Variants in EPHA4 observed in about 807,000 individuals in gnomAD.
The protein encoded by EPHA4 is EPH receptor A4, also known as ephrin type-A receptor 4.
Under a neutral mutation model 108.3 loss-of-function variants are expected in EPHA4, and 19 were observed. The ratio of observed to expected loss-of-function variants is 0.18; its 90% confidence interval spans 0.12 to 0.26. EPHA4 has a LOEUF of 0.26. Among genes scored for constraint, EPHA4 ranks in the 10% least tolerant of loss-of-function variants. The probability of loss-of-function intolerance (pLI) is 1.00; values close to 1 mark genes in which losing one functional copy is unlikely to be tolerated. For missense variants in EPHA4, 917 were observed against 1,254.0 expected (o/e 0.73, Z 4.06); for synonymous variants, 449 against 455.5 (o/e 0.99, Z 0.18).
intron 3 of EPHA4, among the ~76,000 whole-genome samples, chr2:221,513,126 A>C (rs947047437): frequency 1.3e-5 from 2 of 152,244 alleles, no homozygotes; most frequent in Non-Finnish European, 2.9e-5. Flanking sequence ...GCTAGCCTGG[A>C]ACAAAACACT....
intron 3 of EPHA4, among the ~76,000 whole-genome samples, chr2:221,529,430 G>T (rs993708111): frequency 1.3e-5 from 2 of 152,164 alleles, no homozygotes; most frequent in African/African-American, 2.4e-5. Context: ...CCTGCAGGCT[G>T]CCAACTCTCT....
At position 221,572,284 on chromosome 2, in the gene EPHA4, A is replaced by C; in HGVS notation, c.-36T>G. 2 of 1,552,122 alleles carry C rather than the reference A, an allele frequency of 1.3e-6. No homozygotes were observed. Among genetic ancestry groups the C allele is most frequent in the South Asian group, 2.2e-5 (2 of 89,760 alleles). On this transcript the variant is annotated 5_prime_UTR_variant, in exon 1 of 18. Coordinates refer to ENST00000281821, the MANE Select transcript of EPHA4 (RefSeq NM_004438.5). ...TGCCAACGCTGCTCCTGCCGCTTCTATCCCAGTGGAATAAATGCTTAAGTT... is the reference window on the plus strand; with the variant it reads ...TGCCAACGCTGCTCCTGCCGCTTCTCTCCCAGTGGAATAAATGCTTAAGTT...
chr2:221,445,926 C>G (rs79739273), intron 9 of EPHA4, among the ~76,000 whole-genome samples, 197 bp downstream of exon 9: 2,367 of 152,228 alleles, frequency 0.016, 57 homozygotes, highest in African/African-American at 0.054. Context: ...ACTTCTCTAC[C>G]TCATCCCACA....
At chr2:221,429,312 T>C (rs1690003783) in intron 15 of EPHA4, among the ~76,000 whole-genome samples, 1 of 152,232 alleles carries the variant, frequency 6.6e-6, no homozygotes, top group Non-Finnish European at 1.5e-5. Flanking sequence ...CAGACTGATA[T>C]ACTTCTTCAT....
chr2:221,570,955 A>G (rs1399565200), intron 1 of EPHA4, among the ~76,000 whole-genome samples: 2 of 152,168 alleles, frequency 1.3e-5, no homozygotes, highest in African/African-American at 4.8e-5. Flanking sequence ...GCCGGAAAGG[A>G]GAAGAATGAG....
chr2:221,451,451 AC>A (rs1420625176), intron 8 of EPHA4, among the ~76,000 whole-genome samples: 3 of 152,232 alleles, frequency 2.0e-5, no homozygotes, highest in South Asian at 2.1e-4. Context: ...TTTTAAAAAA[AC>A]AATATAGAAA....
chr2:221,441,220 G>T (rs1690417561), intron 11 of EPHA4, among the ~76,000 whole-genome samples: 1 of 137,546 alleles, frequency 7.3e-6, no homozygotes, highest in Non-Finnish European at 1.5e-5. Flanking sequence ...TTTTTAAGTA[G>T]AGACAGGTTT....
Position 221,568,740 on chromosome 2 carries a change from A to G in EPHA4, c.137T>C (p.Ile46Thr). 1 of 1,613,848 alleles carries G rather than the reference A, an allele frequency of 6.2e-7. No homozygotes were observed. Among genetic ancestry groups the G allele is most frequent in the Non-Finnish European group, 8.5e-7 (1 of 1,179,902 alleles). The change falls in exon 2 of 18, where the codon ATA becomes ACA. Residue 46 changes from isoleucine (I) to threonine (T), a missense_variant. Transcript: ENST00000281821. ...TACCCCTCCTTCCAGAGGGCTTGCT[A>G]TCCACCCAAGTTCTCCCTGAACAGA... ...SRSVQGELGW[I>T]ASPLEGGWEE...
rs1370453432 is a variant in EPHA4, at chr2:221,541,032, A to T, written c.823+22699T>A. ...CACAATCATAGCTCACTGCCACCTC[A>T]AACTCCTGGGTTCAGGTGAGCCTCC... On this transcript the variant is annotated intron_variant, in intron 3 of 17. Transcript: ENST00000281821. 3.4e-5 allele frequency among the ~76,000 whole-genome samples: 5 copies of T among 148,760 alleles called. No individual in the cohort carries two copies. In the Admixed American group the frequency reaches 3.4e-4, roughly 10 times the overall value.
intron 3 of EPHA4, among the ~76,000 whole-genome samples, chr2:221,516,498 G>A (rs1692994251): frequency 6.6e-6 from 1 of 151,974 alleles, no homozygotes; most frequent in Non-Finnish European, 1.5e-5. Context: ...GGGATTAGAG[G>A]CGTCCGCCGC....
At chr2:221,498,550 G>A (rs954474800) in intron 4 of EPHA4, among the ~76,000 whole-genome samples, 6 of 151,976 alleles carry the variant, frequency 3.9e-5, no homozygotes, top group African/African-American at 1.4e-4. Context: ...AAAGTTCTTA[G>A]TCTATGGAGG....
intron 4 of EPHA4, among the ~76,000 whole-genome samples, chr2:221,494,421 T>C (rs183197333): frequency 3.0e-3 from 460 of 152,258 alleles, no homozygotes; most frequent in African/African-American, 1.0e-2. Context: ...CTGGTCAACA[T>C]AGCGAAACCC....
rs1297470344 is a variant in EPHA4, at chr2:221,571,676, C to G, written c.91+482G>C. Reference sequence around the variant, plus strand: ...GCGCTGCGGAGCAGGCCCCGCAGCCCGGTCCCGAGAAGCGCAGGGCTCGGG... The same window carrying G: ...GCGCTGCGGAGCAGGCCCCGCAGCCGGGTCCCGAGAAGCGCAGGGCTCGGG... On this transcript the variant is annotated intron_variant, in intron 1 of 17. Coordinates refer to ENST00000281821, the MANE Select transcript of EPHA4 (RefSeq NM_004438.5). This position sits in a 1 kb window ranked among gnomAD's most constrained non-coding sequence, Gnocchi z 6.3. 6.6e-6 allele frequency among the ~76,000 whole-genome samples: 1 copy of G among 152,142 alleles called. No homozygotes were observed. The highest frequency in any genetic ancestry group is 1.9e-4 in the East Asian group (1 of 5,156).
At chr2:221,511,526 G>GTACC (rs1692829303) in intron 3 of EPHA4, among the ~76,000 whole-genome samples, 3 of 128,538 alleles carry the variant, frequency 2.3e-5, no homozygotes, top group Non-Finnish European at 3.7e-5. Context: ...ATTTCTGTAT[G>GTACC]TCACTTCCCT....
At chr2:221,502,409 T>C (rs975657394) in intron 3 of EPHA4, 1 of 411,490 alleles carries the variant, frequency 2.4e-6, no homozygotes. Context: ...TCATTCATCA[T>C]GTCCTTAGGA....
chr2:221,546,045 A>G (rs947914657), intron 3 of EPHA4, among the ~76,000 whole-genome samples: 3 of 152,164 alleles, frequency 2.0e-5, no homozygotes, highest in African/African-American at 7.2e-5. Flanking sequence ...ATAACATATT[A>G]CAATCATTTT....
intron 3 of EPHA4, among the ~76,000 whole-genome samples, chr2:221,516,732 G>A (rs1693000578): frequency 6.6e-6 from 1 of 152,114 alleles, no homozygotes; most frequent in South Asian, 2.1e-4. Flanking sequence ...ATGCCATTGA[G>A]CACATTAGTC....
chr2:221,467,944 G>A (rs3770164), intron 5 of EPHA4, among the ~76,000 whole-genome samples: 3,032 of 152,262 alleles, frequency 0.02, 77 homozygotes, highest in East Asian at 0.081. Context: ...TCCACTGGAA[G>A]GCAGTTTAGA....
rs886484557 is a variant in EPHA4, at chr2:221,429,955, G to T, written c.2690+3C>A. 6.2e-7 allele frequency: 1 copy of T among 1,613,742 alleles called. No individual in the cohort carries two copies. Among genetic ancestry groups the T allele is most frequent in the Non-Finnish European group, 8.5e-7 (1 of 1,179,876 alleles). On this transcript the variant is annotated splice_donor_region_variant and intron_variant, in intron 15 of 17. Transcript: ENST00000281821. The stretch of plus-strand genomic sequence containing the variant: ...ACATCACTATTAAGTAAGCATGGCT[G>T]ACCTGGAGCTCTCCGTCCCTGTCCT...
Sources: gnomAD v4.1 joint callset for allele counts (sites outside exome capture counted in the v4.1 genomes callset) on GRCh38, gnomAD v4.1.1 for gene constraint, Gnocchi (gnomAD v3.1) non-coding constraint, MANE v1.5 for transcripts, NCBI Gene and HGNC (gene_info 2026-07-23, HGNC 2026-07-21) for gene names.